The following NAA11 variants were observed in gnomAD, a reference collection of about 807,000 sequenced individuals.
NAA11 encodes the protein N-alpha-acetyltransferase 11.
NAA11 carries 15 observed loss-of-function variants against 16.1 expected under a neutral mutation model. That is an observed-to-expected ratio of 0.93 (90% confidence interval 0.62 to 1.44). NAA11 has a LOEUF of 1.44. NAA11 is among the 40% of genes most tolerant of loss of function. The probability of loss-of-function intolerance (pLI) is 0.00; values close to 1 mark genes in which losing one functional copy is unlikely to be tolerated. For missense variants in NAA11, 298 were observed against 291.3 expected (o/e 1.02, Z -0.17); for synonymous variants, 122 against 112.4 (o/e 1.09, Z -0.54).
intron 2 of NAA11, among the ~76,000 whole-genome samples, chr4:79,287,178 G>T (rs1257863579): frequency 6.6e-6 from 1 of 152,100 alleles, no homozygotes; most frequent in Non-Finnish European, 1.5e-5. Context: ...TTGTGTGTGT[G>T]TATTTTTGTA....
intron 2 of NAA11, among the ~76,000 whole-genome samples, chr4:79,277,757 T>A (rs971306204): frequency 6.6e-6 from 1 of 151,976 alleles, no homozygotes; most frequent in Non-Finnish European, 1.5e-5. Context: ...TCGGAATTAG[T>A]TTAGCCTGTG....
intron 1 of NAA11, among the ~76,000 whole-genome samples, chr4:79,324,501 C>T (rs1724198983): frequency 6.6e-6 from 1 of 152,140 alleles, no homozygotes; most frequent in Non-Finnish European, 1.5e-5. Context: ...GAAACCAGGT[C>T]ATTTGTTTTG....
intron 2 of NAA11, among the ~76,000 whole-genome samples, chr4:79,266,532 C>G (rs1211265951): frequency 6.6e-6 from 1 of 152,232 alleles, no homozygotes; most frequent in African/African-American, 2.4e-5. Context: ...GGCCCCTGCT[C>G]TCTTACAGTT....
At chr4:79,319,941 T>C (rs1433567797) in intron 1 of NAA11, among the ~76,000 whole-genome samples, 6 of 152,240 alleles carry the variant, frequency 3.9e-5, no homozygotes, top group Non-Finnish European at 8.8e-5. Flanking sequence ...AACTTTTTGT[T>C]AGAATGACAG....
At chr4:79,177,167 T>C in the NAA11 span, among the ~76,000 whole-genome samples, 3 of 152,054 alleles carry the variant, frequency 2.0e-5, no homozygotes, top group African/African-American at 4.8e-5. Flanking sequence ...TTTTTATTTT[T>C]TTTACCAAGG....
chr4:79,190,718 T>C, the NAA11 span, among the ~76,000 whole-genome samples: 4 of 152,300 alleles, frequency 2.6e-5, no homozygotes, highest in East Asian at 1.9e-4. Context: ...ATTTGTTACA[T>C]TGGTAAACTT....
chr4:79,272,984 C>T (rs1722533117), intron 2 of NAA11, among the ~76,000 whole-genome samples: 1 of 151,850 alleles, frequency 6.6e-6, no homozygotes, highest in Admixed American at 6.6e-5. Flanking sequence ...CTGGAGGCCT[C>T]AGGGTAGTAA....
intron 2 of NAA11, among the ~76,000 whole-genome samples, chr4:79,293,125 C>T (rs570569985): frequency 1.3e-5 from 2 of 152,136 alleles, no homozygotes; most frequent in Admixed American, 6.5e-5. Context: ...TTTTTTTTAA[C>T]ACTGTGTTTT....
chr4:79,174,306 C>G, the NAA11 span, among the ~76,000 whole-genome samples: 1 of 152,066 alleles, frequency 6.6e-6, no homozygotes, highest in African/African-American at 2.4e-5. Context: ...CTCATCTGCT[C>G]CTTAAATGCA....
intron 1 of NAA11, chr4:79,308,819 GTTTCATTTCACCAAC>G (rs1265013401): frequency 6.6e-6 from 1 of 151,862 alleles, no homozygotes; most frequent in African/African-American, 2.4e-5. Flanking sequence ...TCATGATTGA[GTTTCATTTCACCAAC>G]AATCAACTAA....
chr4:79,159,020 G>C, the NAA11 span, among the ~76,000 whole-genome samples: 1 of 152,094 alleles, frequency 6.6e-6, no homozygotes, highest in Non-Finnish European at 1.5e-5. Context: ...TCTAGACATT[G>C]GCTTAGGCAA....
At chr4:79,235,162 A>G (rs543983557) in intron 2 of NAA11, among the ~76,000 whole-genome samples, 9 of 152,150 alleles carry the variant, frequency 5.9e-5, no homozygotes, top group Admixed American at 1.3e-4. Context: ...GCAGGTTCCA[A>G]TTGTATTGCT....
chr4:79,235,464 G>A (rs1721552274), intron 2 of NAA11, among the ~76,000 whole-genome samples: 1 of 152,030 alleles, frequency 6.6e-6, no homozygotes, highest in Admixed American at 6.6e-5. Context: ...AAAAAAACCT[G>A]GGGTACAATG....
intron 2 of NAA11, among the ~76,000 whole-genome samples, chr4:79,235,672 T>A (rs1721555231): frequency 6.6e-6 from 1 of 152,156 alleles, no homozygotes; most frequent in African/African-American, 2.4e-5. Context: ...TTTAACAATT[T>A]CACCACACAT....
intron 2 of NAA11, among the ~76,000 whole-genome samples, chr4:79,230,504 A>T (rs1385097695): frequency 4.5e-5 from 2 of 44,038 alleles, no homozygotes; most frequent in African/African-American, 8.2e-5. Flanking sequence ...CTAATTTTTG[A>T]TTCCTACAAA....
chr4:79,312,671 A>G (rs2040016565), downstream of NAA11, among the ~76,000 whole-genome samples: 1 of 135,406 alleles, frequency 7.4e-6, no homozygotes, highest in Non-Finnish European at 1.6e-5. Flanking sequence ...AAAAAAAAAA[A>G]AGAGTTGGGG....
chr4:79,243,686 C>G (rs4988619), intron 2 of NAA11, among the ~76,000 whole-genome samples: 106,592 of 152,142 alleles, frequency 0.7, 39,957 homozygotes, highest in East Asian at 0.89. Flanking sequence ...ATTCTTGCCT[C>G]CTCAGAAGAA....
the NAA11 span, among the ~76,000 whole-genome samples, chr4:79,214,354 C>T: frequency 6.6e-6 from 1 of 152,140 alleles, no homozygotes; most frequent in African/African-American, 2.4e-5. Flanking sequence ...GAATGAACCA[C>T]CCCCTGGCCC....
chr4:79,257,155 CT>C (rs1246288145), intron 2 of NAA11, among the ~76,000 whole-genome samples: 10 of 152,070 alleles, frequency 6.6e-5, no homozygotes, highest in African/African-American at 2.4e-4. Context: ...TATTTTTCCC[CT>C]ATGTGTTCCA....
Sources: allele counts gnomAD v4.1 joint callset (sites outside exome capture counted in the v4.1 genomes callset), GRCh38; gene constraint gnomAD v4.1.1; transcripts MANE v1.5; gene names NCBI Gene and HGNC (gene_info 2026-07-23, HGNC 2026-07-21).